Variants in TOX2 observed in about 807,000 individuals in gnomAD.
TOX2 encodes the protein granulosa cell HMG box 1.
Under a neutral mutation model 47.4 loss-of-function variants are expected in TOX2, and 15 were observed. That is an observed-to-expected ratio of 0.32 (90% CI 0.21 to 0.49). TOX2 has a LOEUF of 0.49. Ranked by LOEUF, TOX2 falls within the 20% of genes least tolerant of loss-of-function variation. The probability of loss-of-function intolerance (pLI) is 0.99; values close to 1 mark genes in which losing one functional copy is unlikely to be tolerated. For missense variants in TOX2, 622 were observed against 673.1 expected (o/e 0.92, Z 0.84); for synonymous variants, 290 against 296.6 (o/e 0.98, Z 0.23).
intron 1 of TOX2, among the ~76,000 whole-genome samples, chr20:43,959,391 C>T (rs1017225666): frequency 1.3e-5 from 2 of 152,220 alleles, no homozygotes; most frequent in African/African-American, 4.8e-5. Flanking sequence ...ATACCATTTC[C>T]TGTGTTATCT....
Position 44,051,428 on chromosome 20 carries a change from G to C in TOX2, c.534G>C (p.Ser178=). 1.2e-6 allele frequency: 2 copies of C among 1,614,026 alleles called. No individual in the cohort carries two copies. The highest frequency in any genetic ancestry group is 1.7e-6 in the Non-Finnish European group (2 of 1,179,984). ...MSALSQSQLI[S]QMGIRSSIAH... ...CCCTCAGCCAGTCCCAGCTCATCTC[G>C]CAGATGGGCATCCGGAGCAGCATCG... The change falls in exon 4 of 9, where the codon TCG becomes TCC. Residue 178 remains serine (S), a synonymous_variant. Coordinates refer to ENST00000341197, the MANE Select transcript of TOX2 (RefSeq NM_001098797.2).
chr20:44,035,421 C>T (rs2071223478), intron 3 of TOX2, among the ~76,000 whole-genome samples: 1 of 152,082 alleles, frequency 6.6e-6, no homozygotes, highest in Admixed American at 6.5e-5. Context: ...AACTCCTGAG[C>T]AGCTGCAAGA....
At chr20:44,026,048 T>C (rs2071056613) in intron 3 of TOX2, among the ~76,000 whole-genome samples, 2 of 151,606 alleles carry the variant, frequency 1.3e-5, no homozygotes, top group African/African-American at 4.9e-5. Flanking sequence ...TTAAGCCAGC[T>C]TGGATTCTAA....
intron 3 of TOX2, among the ~76,000 whole-genome samples, chr20:44,019,526 G>C (rs1055998635): frequency 6.6e-6 from 1 of 152,260 alleles, no homozygotes; most frequent in Admixed American, 6.5e-5. Context: ...GCTCTCAGCT[G>C]AGACAGGGTT....
intron 1 of TOX2, among the ~76,000 whole-genome samples, chr20:43,926,632 C>A (rs1334385598): frequency 6.6e-6 from 1 of 152,210 alleles, no homozygotes; most frequent in African/African-American, 2.4e-5. Context: ...GTCTAAGGAG[C>A]TTTTCAGTTC....
rs912425768 is a variant in TOX2 at position 44,006,624 on chromosome 20, C to T, written c.243C>T (p.Ser81=). 17 of 1,614,024 alleles carry T rather than the reference C, an allele frequency of 1.1e-5. No homozygotes were observed. The East Asian group carries it at 3.6e-4, about 34-fold the overall frequency. ...CACCTCCCAACCTCCCGGAGCCATC[C>T]CTCCTGCACCTGGGGGACCACGAAG... ...PITPPNLPEP[S]LLHLGDHEAS... The change falls in exon 3 of 9, where the codon TCC becomes TCT. Residue 81 remains serine (S), a synonymous_variant. Coordinates refer to ENST00000341197, the MANE Select transcript of TOX2 (RefSeq NM_001098797.2).
Position 44,054,422 on chromosome 20 carries a change from G to A in TOX2, c.775G>A (p.Asp259Asn). The A allele has an allele frequency of 6.2e-7, 1 of 1,613,162 alleles. No individual in the cohort carries two copies. Among genetic ancestry groups the A allele is most frequent in the Non-Finnish European group, 8.5e-7 (1 of 1,179,590 alleles). The change falls in exon 5 of 9, where the codon GAC becomes AAC. Residue 259 changes from aspartate to asparagine, a missense_variant. Physicochemically the swap from Asp to Asn is conservative, Grantham distance 23. Coordinates refer to ENST00000341197, the MANE Select transcript of TOX2 (RefSeq NM_001098797.2). Reference protein sequence around the residue: ...PVSAYALFFRDTQAAIKGQNP... With the variant: ...PVSAYALFFRNTQAAIKGQNP... ...GTCGGCCTACGCACTCTTCTTCAGAGACACTCAGGCCGCCATCAAGGGTCA... is the reference window on the plus strand; with the variant it reads ...GTCGGCCTACGCACTCTTCTTCAGAAACACTCAGGCCGCCATCAAGGGTCA...
intron 8 of TOX2, 27 bp downstream of exon 8, chr20:44,066,884 G>A (rs201154897): frequency 2.5e-6 from 4 of 1,598,530 alleles, no homozygotes; most frequent in Non-Finnish European, 3.4e-6. Context: ...CCCTGCCTTT[G>A]TCCTGCCAGC....
intron 3 of TOX2, among the ~76,000 whole-genome samples, chr20:44,044,759 G>A (rs933328110): frequency 1.3e-5 from 2 of 152,068 alleles, no homozygotes; most frequent in African/African-American, 4.8e-5. Flanking sequence ...TATATGATAC[G>A]GCAATTGGAA....
chr20:43,994,649 C>T (rs371326151), intron 2 of TOX2, among the ~76,000 whole-genome samples: 1 of 152,156 alleles, frequency 6.6e-6, no homozygotes, highest in Admixed American at 6.5e-5. Context: ...GACCCCCAAA[C>T]CCACCCACCA....
intron 1 of TOX2, among the ~76,000 whole-genome samples, chr20:43,961,203 G>A (rs1353210593): frequency 1.3e-5 from 2 of 152,238 alleles, no homozygotes; most frequent in African/African-American, 4.8e-5. Context: ...GGAGTTGAAT[G>A]GGCATGAACG....
chr20:43,984,143 C>A (rs1256814897), intron 2 of TOX2, among the ~76,000 whole-genome samples: 1 of 152,138 alleles, frequency 6.6e-6, no homozygotes, highest in East Asian at 1.9e-4. Flanking sequence ...AGATTACAAA[C>A]AATCAAAGAG....
intron 1 of TOX2, among the ~76,000 whole-genome samples, chr20:43,920,060 C>T (rs1481560655): frequency 6.6e-6 from 1 of 152,198 alleles, no homozygotes; most frequent in Non-Finnish European, 1.5e-5. Context: ...ATGAGCTACC[C>T]AGGTGTTGTT....
chr20:44,068,345 A>C (rs2071871040), intron 8 of TOX2, among the ~76,000 whole-genome samples: 1 of 152,166 alleles, frequency 6.6e-6, no homozygotes, highest in South Asian at 2.1e-4. Context: ...AATTCCTGTG[A>C]TTAAAAACCC....
Position 44,065,761 on chromosome 20 carries a change from C to G in TOX2, c.1010C>G (p.Ala337Gly). ...ETKSTQANPP[A>G]KMLPPKQPMY... is the part of the protein sequence containing the mutation. The stretch of plus-strand genomic sequence containing the variant: ...AAGAGCACTCAGGCAAACCCACCAG[C>G]CAAAATGCTCCCACCCAAGCAGCCC... Residue 337 changes from alanine to glycine, a missense_variant, in exon 7 of 9, where the codon GCC becomes GGC. Coordinates refer to ENST00000341197, the MANE Select transcript of TOX2 (RefSeq NM_001098797.2). The G allele has an allele frequency of 6.2e-7, 1 of 1,607,468 alleles. No homozygotes were observed. The highest frequency in any genetic ancestry group is 1.3e-5 in the African/African-American group (1 of 74,924).
At chr20:43,918,691 A>G (rs1238136292) in intron 1 of TOX2, among the ~76,000 whole-genome samples, 2 of 152,248 alleles carry the variant, frequency 1.3e-5, no homozygotes, top group African/African-American at 4.8e-5. Context: ...ATTGCTGAGT[A>G]ATATTATATT....
At chr20:43,932,674 G>T (rs1432685133) in intron 1 of TOX2, among the ~76,000 whole-genome samples, 2 of 152,138 alleles carry the variant, frequency 1.3e-5, no homozygotes, top group African/African-American at 4.8e-5. Context: ...TTTTGCAAAG[G>T]TCATGGACAT....
At chr20:43,977,323 C>T (rs1045624576) in intron 2 of TOX2, among the ~76,000 whole-genome samples, 19 of 152,216 alleles carry the variant, frequency 1.2e-4, no homozygotes, top group Non-Finnish European at 2.8e-4. Flanking sequence ...GTTGGCCAGG[C>T]TGGTCTTGAA....
intron 3 of TOX2, among the ~76,000 whole-genome samples, chr20:44,013,313 C>T (rs1481175522): frequency 6.6e-6 from 1 of 152,170 alleles, no homozygotes; most frequent in Admixed American, 6.5e-5. Context: ...CTATTCCCCT[C>T]CAATCTCCTT....
Sources: allele counts gnomAD v4.1 joint callset (sites outside exome capture counted in the v4.1 genomes callset), GRCh38; gene constraint gnomAD v4.1.1; transcripts MANE v1.5; gene names NCBI Gene and HGNC (gene_info 2026-07-23, HGNC 2026-07-21).